The following SLAMF9 variants were observed in gnomAD, a reference collection of about 807,000 sequenced individuals.
SLAMF9 encodes CD2 family member 10.
Under a neutral mutation model 30.4 loss-of-function variants are expected in SLAMF9, and 25 were observed. The observed-to-expected ratio is 0.82, with a 90% confidence interval of 0.60 to 1.15. The LOEUF is 1.15. Ranked by LOEUF, SLAMF9 falls within the 50% of genes most tolerant of loss-of-function variation. SLAMF9 has a pLI of 0.00. For missense variants in SLAMF9, 344 were observed against 346.1 expected (o/e 0.99, Z 0.05); for synonymous variants, 129 against 127.2 (o/e 1.01, Z -0.09).
At chr1:159,953,710 C>T (rs1437273045) in intron 1 of SLAMF9, 57 bp from the exon 2 acceptor site, 7 of 1,489,758 alleles carry the variant, frequency 4.7e-6, no homozygotes, top group Non-Finnish European at 6.4e-6. Flanking sequence ...GGCTGCTGAA[C>T]CTGGCAGTGG....
the SLAMF9 span, among the ~76,000 whole-genome samples, chr1:159,959,559 C>T: frequency 6.6e-6 from 1 of 152,220 alleles, no homozygotes; most frequent in South Asian, 2.1e-4. Context: ...CATGGGAGCC[C>T]ATTACCGGTT....
the SLAMF9 span, among the ~76,000 whole-genome samples, chr1:159,970,108 T>A: frequency 1.3e-5 from 2 of 152,164 alleles, no homozygotes; most frequent in South Asian, 4.2e-4. Flanking sequence ...ATTTATCACC[T>A]TTGGTATAGC....
the SLAMF9 span, chr1:159,973,283 T>C: frequency 1.4e-6 from 1 of 701,760 alleles, no homozygotes; most frequent in Non-Finnish European, 2.5e-6. Context: ...GGAACTGCTC[T>C]GGGGAGATGC....
rs1472885851 is a variant in SLAMF9 at position 159,952,398 on chromosome 1, A to C, written c.528T>G (p.Thr176=). Residue 176 remains threonine (T), a synonymous_variant, in exon 3 of 4, where the codon ACT becomes ACG. Coordinates refer to ENST00000368093, the MANE Select transcript of SLAMF9 (RefSeq NM_033438.4). ...GGACAGGGCCTTCATGGAATGTATA[A>C]GTGCTATCCCCCCGGGAGAGCCAGC... ...TYSWLSRGDS[T]YTFHEGPVLS... is the part of the protein sequence containing the mutation. The C allele has an allele frequency of 1.2e-6, 2 of 1,614,056 alleles. No individual in the cohort carries two copies. Among genetic ancestry groups the C allele is most frequent in the Non-Finnish European group, 1.7e-6 (2 of 1,179,994 alleles).
At chr1:159,969,321 G>A in the SLAMF9 span, among the ~76,000 whole-genome samples, 2 of 152,136 alleles carry the variant, frequency 1.3e-5, no homozygotes, top group Non-Finnish European at 2.9e-5. Flanking sequence ...CCAAGCTCAC[G>A]TGATGAGGTA....
chr1:159,959,707 G>A, the SLAMF9 span, among the ~76,000 whole-genome samples: 4 of 152,058 alleles, frequency 2.6e-5, no homozygotes, highest in Non-Finnish European at 1.5e-5. Context: ...ACTATACCCT[G>A]GGGAAGAGGT....
chr1:159,982,714 A>C, the SLAMF9 span, among the ~76,000 whole-genome samples: 1 of 152,208 alleles, frequency 6.6e-6, no homozygotes, highest in Non-Finnish European at 1.5e-5. Flanking sequence ...GTACATATGC[A>C]TACACACACA....
At chr1:159,961,794 T>C in the SLAMF9 span, among the ~76,000 whole-genome samples, 1 of 152,152 alleles carries the variant, frequency 6.6e-6, no homozygotes, top group African/African-American at 2.4e-5. Context: ...GAGATGAGGC[T>C]ACAAAGACGG....
the SLAMF9 span, among the ~76,000 whole-genome samples, chr1:159,979,272 G>C: frequency 6.6e-6 from 1 of 152,112 alleles, no homozygotes; most frequent in East Asian, 1.9e-4. Flanking sequence ...CCTCTCTCTA[G>C]GACACCACCC....
At chr1:159,969,903 A>G in the SLAMF9 span, among the ~76,000 whole-genome samples, 2 of 152,164 alleles carry the variant, frequency 1.3e-5, no homozygotes, top group South Asian at 4.2e-4. Flanking sequence ...TTAGCTAGGC[A>G]TGGTGGTGCA....
chr1:159,972,276 C>G, the SLAMF9 span, among the ~76,000 whole-genome samples: 1 of 152,242 alleles, frequency 6.6e-6, no homozygotes, highest in Admixed American at 6.5e-5. Flanking sequence ...ATGTCTTAGG[C>G]CAAGAGCCAG....
At chr1:159,970,522 C>T in the SLAMF9 span, among the ~76,000 whole-genome samples, 1 of 152,228 alleles carries the variant, frequency 6.6e-6, no homozygotes, top group African/African-American at 2.4e-5. Flanking sequence ...GGAGTTGCTG[C>T]TGGAAAGCAG....
At chr1:159,975,658 A>G in the SLAMF9 span, among the ~76,000 whole-genome samples, 54 of 152,148 alleles carry the variant, frequency 3.5e-4, no homozygotes, top group African/African-American at 1.2e-3. Flanking sequence ...ACAGGGTGAG[A>G]AAAAGACTGA....
upstream of SLAMF9, among the ~76,000 whole-genome samples, chr1:159,955,252 G>A (rs1651898054): frequency 6.6e-6 from 1 of 152,186 alleles, no homozygotes; most frequent in African/African-American, 2.4e-5. Context: ...TTATTAAATA[G>A]CTTCCTGGCA....
chr1:159,978,394 G>A, the SLAMF9 span, among the ~76,000 whole-genome samples: 944 of 152,270 alleles, frequency 6.2e-3, 9 homozygotes, highest in South Asian at 0.038. Context: ...AGGCACATAG[G>A]AAGATTTCCT....
rs1479747832 is a variant in SLAMF9, at chr1:159,954,230, G to A, written c.-93C>T. On this transcript the variant is annotated 5_prime_UTR_variant, in exon 1 of 4. Coordinates refer to ENST00000368093, the MANE Select transcript of SLAMF9 (RefSeq NM_033438.4). Reference sequence around the variant, plus strand: ...ATTAGGAGGCTCCTAGACACAAAGAGCCTGACTGATGGTCCTGAGAAAAGG... The same window carrying A: ...ATTAGGAGGCTCCTAGACACAAAGAACCTGACTGATGGTCCTGAGAAAAGG... The A allele has an allele frequency of 2.1e-6, 3 of 1,436,806 alleles. No individual in the cohort carries two copies. Among genetic ancestry groups the A allele is most frequent in the Non-Finnish European group, 2.9e-6 (3 of 1,031,900 alleles). 89.0% of individuals were successfully genotyped at this position (1,436,806 alleles called of 1,614,324 possible).
At chr1:159,954,430 T>A (rs1651879738), upstream of SLAMF9, among the ~76,000 whole-genome samples, 1 of 152,082 alleles carries the variant, frequency 6.6e-6, no homozygotes, top group Non-Finnish European at 1.5e-5. Flanking sequence ...CTAAATGAAG[T>A]CTTTCAAGAC....
At chr1:159,969,047 A>AAAAG in the SLAMF9 span, among the ~76,000 whole-genome samples, 1 of 151,526 alleles carries the variant, frequency 6.6e-6, no homozygotes, top group Non-Finnish European at 1.5e-5. Flanking sequence ...ATCTCAAAAA[A>AAAAG]AAGAAGAAGA....
chr1:159,952,153 G>A lies in SLAMF9; in HGVS notation c.664+109C>T, dbSNP rs1488643394. 2.1e-5 allele frequency: 27 copies of A among 1,313,290 alleles called. No homozygotes were observed. The Admixed American group carries it at 3.8e-4, about 19-fold the overall frequency. The allele number at this position is 1,313,290 out of a possible 1,614,324, so 81.4% of individuals were successfully genotyped here. ...AGGTGTCAAGCCTCCATGGGAGGGG[G>A]TTAGCTTCTGAATTCCCTGGGCTCT... On this transcript the variant is annotated intron_variant, in intron 3 of 3. Transcript: ENST00000368093.
Sources: gnomAD v4.1 joint callset for allele counts (sites outside exome capture counted in the v4.1 genomes callset) on GRCh38, gnomAD v4.1.1 for gene constraint, MANE v1.5 for transcripts, NCBI Gene and HGNC (gene_info 2026-07-23, HGNC 2026-07-21) for gene names.